The following MIB1 variants were observed in gnomAD, a reference collection of about 807,000 sequenced individuals.
The protein encoded by MIB1 is MIB E3 ubiquitin protein ligase 1, also known as E3 ubiquitin-protein ligase MIB1.
Under a neutral mutation model 124.5 loss-of-function variants are expected in MIB1, and 278 were observed. The observed-to-expected ratio is 2.23, with a 90% CI of 2.02 to 2.47. The LOEUF (loss-of-function observed/expected upper bound fraction) is 2.47. MIB1 is among the 30% of genes most tolerant of loss of function. MIB1 has a pLI of 0.00. For synonymous variants in MIB1, 446 were observed against 429.4 expected, an observed-to-expected ratio of 1.04 and a Z score of -0.48; for missense variants, 957 against 1,254.4, an observed-to-expected ratio of 0.76 and a Z score of 3.58.
At chr18:21,719,576 A>G (rs1440233322) in intron 1 of MIB1, among the ~76,000 whole-genome samples, 1 of 150,144 alleles carries the variant, frequency 6.7e-6, no homozygotes, top group Non-Finnish European at 1.5e-5. Context: ...CCTCCGGAGT[A>G]CCTGGGACGA....
chr18:21,789,459 A>G (rs565504224), intron 6 of MIB1, among the ~76,000 whole-genome samples: 6 of 152,164 alleles, frequency 3.9e-5, no homozygotes, highest in Non-Finnish European at 1.5e-5. Flanking sequence ...GGACTTCAGC[A>G]TATTTTGGAA....
chr18:21,751,170 C>G (rs1045355831), intron 1 of MIB1, among the ~76,000 whole-genome samples: 1 of 151,828 alleles, frequency 6.6e-6, no homozygotes, highest in Non-Finnish European at 1.5e-5. Flanking sequence ...TTACTGCACT[C>G]CAGCCTGGGT....
chr18:21,865,910 A>ACAAACAAAAAAAG lies in MIB1; in HGVS notation c.*1253_*1254insAAAGCAAACAAAA, dbSNP rs1323488904. On this transcript the variant is annotated 3_prime_UTR_variant, in exon 21 of 21. Transcript: ENST00000261537. ...GTCTGCTTACCTGTAGACTTTAAAA[A>ACAAACAAAAAAAG]CAAACAAAATTTTTGGAGCATTTAA... The ACAAACAAAAAAAG allele has an allele frequency of 2.0e-5, 3 of 152,094 alleles. No individual in the cohort carries two copies. The highest frequency in any genetic ancestry group is 4.4e-5 in the Non-Finnish European group (3 of 68,010). The allele number at this position is 152,094 out of a possible 1,614,324, so 9.4% of individuals were successfully genotyped here. A position where few individuals can be genotyped will look rare whatever the true frequency, so the allele number is the denominator to read the frequency against.
chr18:21,735,693 G>A (rs1230818786), intron 1 of MIB1, among the ~76,000 whole-genome samples: 1 of 152,182 alleles, frequency 6.6e-6, no homozygotes. Flanking sequence ...GTCGGGGGGA[G>A]GGGCATCCGC....
At chr18:21,827,766 T>TTA (rs1358404453) in intron 12 of MIB1, 2 of 152,084 alleles carry the variant, frequency 1.3e-5, no homozygotes, top group African/African-American at 2.4e-5. Flanking sequence ...TTCTCATTCT[T>TTA]TATAATCTGA....
rs1206708713 is a variant in MIB1 at position 21,868,105 on chromosome 18, G to GT, written c.*3445dup. The GT allele has an allele frequency of 6.6e-6, 1 of 151,916 alleles. No individual in the cohort carries two copies. The highest frequency in any genetic ancestry group is 6.6e-5 in the Admixed American group (1 of 15,240). The allele number at this position is 151,916 out of a possible 1,614,324, so 9.4% of individuals were successfully genotyped here. ...GTGTAAAAAATTGAATTTTTGAATA[G>GT]TTTTTTGTATTTTTTGTGATGAAAA... On this transcript the variant is annotated 3_prime_UTR_variant, in exon 21 of 21. Coordinates refer to ENST00000261537, the MANE Select transcript of MIB1 (RefSeq NM_020774.4).
rs1330052087 is a variant in MIB1, at chr18:21,754,964, C to T, written c.230-10808C>T. Among the ~76,000 whole-genome samples, 5 of 152,144 alleles carry T rather than the reference C, an allele frequency of 3.3e-5. No individual in the cohort carries two copies. The South Asian group carries it at 6.2e-4, about 19-fold the overall frequency. On this transcript the variant is annotated intron_variant, in intron 1 of 20. Coordinates refer to ENST00000261537, the MANE Select transcript of MIB1 (RefSeq NM_020774.4). The stretch of plus-strand genomic sequence containing the variant: ...GGGTCTACAGTATTTCTGACAACAA[C>T]GAAACTCTACTCTGCACCCTCCTCC...
chr18:21,735,601 G>A (rs190665619), intron 1 of MIB1, among the ~76,000 whole-genome samples: 2 of 152,276 alleles, frequency 1.3e-5, no homozygotes, highest in Admixed American at 1.3e-4. Flanking sequence ...TCCCCACAGA[G>A]CCCAGCAAGC....
chr18:21,805,339 A>G (rs1021955167), intron 10 of MIB1, among the ~76,000 whole-genome samples: 1 of 152,068 alleles, frequency 6.6e-6, no homozygotes, highest in African/African-American at 2.4e-5. Flanking sequence ...AGCATATTAG[A>G]TATCTATGAA....
intron 18 of MIB1, among the ~76,000 whole-genome samples, chr18:21,853,532 C>A (rs1405729389): frequency 6.6e-6 from 1 of 152,094 alleles, no homozygotes; most frequent in Non-Finnish European, 1.5e-5. Flanking sequence ...AACATTTAGT[C>A]TCGCCTTTGT....
At chr18:21,739,974 G>A (rs148733578), upstream of MIB1, among the ~76,000 whole-genome samples, 571 of 151,684 alleles carry the variant, frequency 3.8e-3, 1 homozygote, top group Middle Eastern at 0.031. Context: ...TTTTATTTCA[G>A]TACATAGTAA....
chr18:21,772,293 T>C (rs1568194804), intron 3 of MIB1, among the ~76,000 whole-genome samples: 1 of 152,180 alleles, frequency 6.6e-6, no homozygotes, highest in African/African-American at 2.4e-5. Context: ...GCTGTGATTG[T>C]AAGTATCAAG....
At chr18:21,768,017 G>T (rs1159631589) in intron 2 of MIB1, among the ~76,000 whole-genome samples, 6 of 152,136 alleles carry the variant, frequency 3.9e-5, no homozygotes, top group Non-Finnish European at 5.9e-5. Flanking sequence ...CTTTAGACTG[G>T]ACCTTTTAGA....
chr18:21,724,771 T>C (rs1260875040), intron 1 of MIB1, among the ~76,000 whole-genome samples: 4 of 110,466 alleles, frequency 3.6e-5, no homozygotes, highest in Non-Finnish European at 7.2e-5. Context: ...TATATATATA[T>C]ATTAGTCTAT....
chr18:21,848,741 A>T (rs889669059), intron 16 of MIB1, among the ~76,000 whole-genome samples: 5 of 152,134 alleles, frequency 3.3e-5, no homozygotes, highest in African/African-American at 1.2e-4. Context: ...TGAAGTGTTA[A>T]ATTTTCCAAA....
chr18:21,779,614 A>AT lies in MIB1; in HGVS notation c.837_838insT (p.Thr280TyrfsTer10). The AT allele has an allele frequency of 6.2e-7, 1 of 1,614,130 alleles. No homozygotes were observed. ...GGACTGATGGAATGTTTGAGACTTT[A>AT]ACTACAACTGGAACTGTTTGTGGCA... On this transcript the variant is annotated frameshift_variant, in exon 6 of 21. Coordinates refer to ENST00000261537, the MANE Select transcript of MIB1 (RefSeq NM_020774.4). LOFTEE classifies it high-confidence loss of function.
chr18:21,797,967 T>G, intron 7 of MIB1, 117 bp from the exon 8 acceptor site: 1 of 933,578 alleles, frequency 1.1e-6, no homozygotes, highest in South Asian at 1.8e-5. Flanking sequence ...GGTTATCCTT[T>G]GAAAGTTTTT....
intron 1 of MIB1, among the ~76,000 whole-genome samples, chr18:21,720,297 G>A (rs2040708717): frequency 6.6e-6 from 1 of 152,020 alleles, no homozygotes; most frequent in African/African-American, 2.4e-5. Context: ...AAGCTAATGG[G>A]GACATTTTAA....
chr18:21,839,720 T>G (rs975200808), intron 13 of MIB1, among the ~76,000 whole-genome samples: 3 of 152,162 alleles, frequency 2.0e-5, no homozygotes, highest in Admixed American at 2.0e-4. Context: ...GAAGCTGGTT[T>G]CAAACTCCTG....
Sources: gnomAD v4.1 joint callset for allele counts (sites outside exome capture counted in the v4.1 genomes callset) on GRCh38, gnomAD v4.1.1 for gene constraint, MANE v1.5 for transcripts, NCBI Gene and HGNC (gene_info 2026-07-23, HGNC 2026-07-21) for gene names.